ATP1A3: variants seen among roughly 807,000 people sequenced by gnomAD.
ATP1A3 encodes the protein sodium/potassium-transporting ATPase subunit alpha-3.
A neutral mutation model predicts 108.8 loss-of-function variants in ATP1A3; 12 were observed. That is an observed-to-expected ratio of 0.11 (90% CI 0.07 to 0.18). The LOEUF (loss-of-function observed/expected upper bound fraction) is 0.18, where lower values mean the gene tolerates loss of function less well. Among genes scored for constraint, ATP1A3 ranks in the 10% least tolerant of loss-of-function variants. ATP1A3 has a pLI of 1.00. For missense variants in ATP1A3, 498 were observed against 1,387.7 expected (o/e 0.36, Z 10.19); for synonymous variants, 539 against 564.5 (o/e 0.95, Z 0.64).
At chr19:41,986,079 A>C (rs782807760) in intron 5 of ATP1A3, 37 bp downstream of exon 5, 11 of 1,613,814 alleles carry the variant, frequency 6.8e-6, no homozygotes, top group South Asian at 5.5e-5. Context: ...CCCATACACT[A>C]ACACCCCCGT....
chr19:41,975,581 G>A (rs1555860764), intron 16 of ATP1A3, 48 bp downstream of exon 16: 1 of 1,611,754 alleles, frequency 6.2e-7, no homozygotes, highest in Non-Finnish European at 8.5e-7. Context: ...CTGGTCTCAG[G>A]CCTCCGGTAG....
Position 41,968,038 on chromosome 19 carries a change from AGAGAGACAGACACAGG to A in ATP1A3, c.2820-291_2820-276del, listed in dbSNP as rs1339816077. Among the ~76,000 whole-genome samples, 7 of 17,704 alleles carry A rather than the reference AGAGAGACAGACACAGG, an allele frequency of 4.0e-4. No individual in the cohort carries two copies. Among genetic ancestry groups the A allele is most frequent in the African/African-American group, 8.4e-4 (2 of 2,390 alleles). 11.6% of individuals were successfully genotyped at this position (17,704 alleles called of 152,430 possible). A position where few individuals can be genotyped will look rare whatever the true frequency, so the allele number is the denominator to read the frequency against. ...GACACAGAGACAGACAGGGACAGAC[AGAGAGACAGACACAGG>A]GACAGACACAGAGACAGGGACAGAA... is the stretch of plus-strand genomic sequence containing the variant. On this transcript the variant is annotated intron_variant, in intron 20 of 22. Coordinates refer to ENST00000648268, the MANE Select transcript of ATP1A3 (RefSeq NM_152296.5). The surrounding 1 kb of genome is among the most constrained non-coding windows in gnomAD (Gnocchi z 5.0).
intron 8 of ATP1A3, among the ~76,000 whole-genome samples, chr19:41,982,895 G>A (rs1354858054): frequency 6.6e-6 from 1 of 152,102 alleles, no homozygotes; most frequent in Admixed American, 6.6e-5. Context: ...CTTGGGTTGG[G>A]GGGCAGGGGC....
At chr19:41,976,816 T>C (rs1476409014) in intron 14 of ATP1A3, among the ~76,000 whole-genome samples, 2 of 152,052 alleles carry the variant, frequency 1.3e-5, no homozygotes, top group East Asian at 3.9e-4. Flanking sequence ...TTTATTTATT[T>C]ATTTTTGAGA....
chr19:41,970,208 A>G lies in ATP1A3; in HGVS notation c.2519T>C (p.Ile840Thr). ...ACCAATCTGCCCGTAGGCCATGCTG[A>G]TGAGTCTCTCATTGACCAATTTGTC... ...RTDKLVNERL[I>T]SMAYGQIGMI... is the part of the protein sequence containing the mutation. The change falls in exon 18 of 23, where the codon ATC becomes ACC. Residue 840 changes from isoleucine (I) to threonine (T), a missense_variant. This residue lies in a region of ATP1A3 where 121 missense variants were observed against 425.1 expected (regional missense o/e 0.28). Coordinates refer to ENST00000648268, the MANE Select transcript of ATP1A3 (RefSeq NM_152296.5). 6.2e-7 allele frequency: 1 copy of G among 1,614,216 alleles called. No homozygotes were observed. Among genetic ancestry groups the G allele is most frequent in the Non-Finnish European group, 8.5e-7 (1 of 1,180,030 alleles).
chr19:41,970,430 C>T lies in ATP1A3; in HGVS notation c.2376G>A (p.Leu792=), dbSNP rs1555859581. 1 of 1,614,092 alleles carries T rather than the reference C, an allele frequency of 6.2e-7. No individual in the cohort carries two copies. ...LFIMANIPLP[L]GTITILCIDL... is the part of the protein sequence containing the mutation. The stretch of plus-strand genomic sequence containing the variant: ...CGATGCAGAGGATGGTGATGGTGCC[C>T]AGGGGCAGCGGGATGTTGGCCATGA... Residue 792 remains leucine, a synonymous_variant, in exon 17 of 23, where the codon CTG becomes CTA. Coordinates refer to ENST00000648268, the MANE Select transcript of ATP1A3 (RefSeq NM_152296.5).
At chr19:41,984,115 C>T (rs2075263215) in intron 8 of ATP1A3, 1 of 152,114 alleles carries the variant, frequency 6.6e-6, no homozygotes, top group African/African-American at 2.4e-5. Context: ...CTATGTTGTC[C>T]AGGCTTGTCT....
Position 41,985,241 on chromosome 19 carries a change from C to G in ATP1A3, c.725-55G>C. 1.9e-6 allele frequency: 3 copies of G among 1,614,052 alleles called. No individual in the cohort carries two copies. Among genetic ancestry groups the G allele is most frequent in the Non-Finnish European group, 2.5e-6 (3 of 1,179,974 alleles). ...GGGTGGCTCAGGGAGGTTCTGGAGG[C>G]CTGACCCCCTGGGACACATCCCTGT... On this transcript the variant is annotated intron_variant, in intron 7 of 22. Transcript: ENST00000648268. The surrounding 1 kb of genome is among the most constrained non-coding windows in gnomAD (Gnocchi z 8.2).
chr19:41,974,727 G>A (rs78959888), intron 16 of ATP1A3, among the ~76,000 whole-genome samples: 1 of 152,230 alleles, frequency 6.6e-6, no homozygotes, highest in Non-Finnish European at 1.5e-5. Flanking sequence ...TTCTGCATTT[G>A]TCTATGATTA....
At chr19:41,973,609 A>C (rs1465202711) in intron 16 of ATP1A3, among the ~76,000 whole-genome samples, 1 of 151,852 alleles carries the variant, frequency 6.6e-6, no homozygotes, top group Admixed American at 6.6e-5. Context: ...TTCCCTGTCC[A>C]CCCCATCTGG....
Position 41,969,371 on chromosome 19 carries a change from G to C in ATP1A3, c.2688+64C>G, listed in dbSNP as rs144731701. ...GCCATCGTAGGAAGTGGCCATGCAT[G>C]GCTGGAACAGCTCACCCCGGGGATC... On this transcript the variant is annotated intron_variant, in intron 19 of 22. Coordinates refer to ENST00000648268, the MANE Select transcript of ATP1A3 (RefSeq NM_152296.5). The C allele has an allele frequency of 2.5e-4, 407 of 1,612,384 alleles. No homozygotes were observed. The African/African-American group carries it at 4.9e-3, about 19-fold the overall frequency.
intron 18 of ATP1A3, among the ~76,000 whole-genome samples, chr19:41,969,799 C>T (rs1416758117): frequency 1.3e-5 from 2 of 152,204 alleles, no homozygotes; most frequent in African/African-American, 4.8e-5. Flanking sequence ...GGAGAGAGGG[C>T]TCTCCCAGAG....
chr19:41,970,025 A>C (rs561471305), intron 18 of ATP1A3, among the ~76,000 whole-genome samples, 160 bp downstream of exon 18: 1 of 152,218 alleles, frequency 6.6e-6, no homozygotes. Context: ...GAGGTGGAGA[A>C]GGATGGGGTG....
Position 41,983,181 on chromosome 19 carries a change from A to G in ATP1A3, c.994-1075T>C, listed in dbSNP as rs1252890076. Reference sequence around the variant, plus strand: ...CAACCTCCACCTCCCAGGTTCAAGCAATTCTTGTGCCTCAGCCTCCCAAGT... The same window carrying G: ...CAACCTCCACCTCCCAGGTTCAAGCGATTCTTGTGCCTCAGCCTCCCAAGT... On this transcript the variant is annotated intron_variant, in intron 8 of 22. Coordinates refer to ENST00000648268, the MANE Select transcript of ATP1A3 (RefSeq NM_152296.5). Among the ~76,000 whole-genome samples the G allele has an allele frequency of 2.2e-4, 33 of 151,698 alleles. No individual in the cohort carries two copies. The Admixed American group carries it at 2.2e-3, about 10-fold the overall frequency.
At chr19:41,979,147 G>GCAC (rs1339564175) in intron 11 of ATP1A3, among the ~76,000 whole-genome samples, 1 of 151,630 alleles carries the variant, frequency 6.6e-6, no homozygotes, top group African/African-American at 2.4e-5. Context: ...GGGATTACAG[G>GCAC]CACCACCACC....
intron 16 of ATP1A3, among the ~76,000 whole-genome samples, chr19:41,974,672 T>C (rs1407177409): frequency 6.6e-6 from 1 of 152,256 alleles, no homozygotes; most frequent in East Asian, 1.9e-4. Flanking sequence ...TGATTATTTC[T>C]GGATGGCGAG....
chr19:41,975,569 T>A, intron 16 of ATP1A3, 60 bp downstream of exon 16: 1 of 1,607,214 alleles, frequency 6.2e-7, no homozygotes, highest in Non-Finnish European at 8.5e-7. Flanking sequence ...CAGTTCCCCT[T>A]GCTGGTCTCA....
Position 41,967,003 on chromosome 19 carries a change from G to T in ATP1A3, c.3014-38C>A. The T allele has an allele frequency of 6.4e-7, 1 of 1,551,632 alleles. No individual in the cohort carries two copies. The highest frequency in any genetic ancestry group is 8.7e-7 in the Non-Finnish European group (1 of 1,146,982). On this transcript the variant is annotated intron_variant, in intron 22 of 22. Transcript: ENST00000648268. This position sits in a 1 kb window ranked among gnomAD's most constrained non-coding sequence, Gnocchi z 4.2. ...AGAAGGAAAGAAAGAGACAGAGTAA[G>T]AGATGGAGAGAGACAGGCAAGGCGA...
In ATP1A3 at chr19:41,966,982, G is replaced by A. The variant is rs562675308; in HGVS notation, c.3014-17C>T. ...CCACCCAACCTGGAGAGACAAAGAA[G>A]GAAAGAAAGAGACAGAGTAAGAGAT... is the stretch of plus-strand genomic sequence containing the variant. On this transcript the variant is annotated splice_polypyrimidine_tract_variant and intron_variant, in intron 22 of 22. Transcript: ENST00000648268. 2.6e-6 allele frequency: 4 copies of A among 1,551,558 alleles called. No homozygotes were observed. Among genetic ancestry groups the A allele is most frequent in the Admixed American group, 2.0e-5 (1 of 50,994 alleles).
Sources: gnomAD v4.1 joint callset for allele counts (sites outside exome capture counted in the v4.1 genomes callset) on GRCh38, gnomAD v4.1.1 for gene constraint, gnomAD v4.1.1 regional missense constraint, Gnocchi (gnomAD v3.1) non-coding constraint, MANE v1.5 for transcripts, NCBI Gene and HGNC (gene_info 2026-07-23, HGNC 2026-07-21) for gene names.